The following KBTBD12 variants were observed in gnomAD, a reference collection of about 807,000 sequenced individuals.
KBTBD12 encodes the protein kelch repeat and BTB domain-containing protein 12.
KBTBD12 carries 53 observed loss-of-function variants against 58.7 expected under a neutral mutation model. That is an observed-to-expected ratio of 0.90 (90% CI 0.72 to 1.14). KBTBD12 has a LOEUF of 1.14. Ranked by LOEUF, KBTBD12 falls within the 50% of genes most tolerant of loss-of-function variation. The probability of loss-of-function intolerance (pLI) is 0.00; values close to 1 mark genes in which losing one functional copy is unlikely to be tolerated. For missense variants in KBTBD12, 704 were observed against 751.3 expected, an observed-to-expected ratio of 0.94 and a Z score of 0.74; for synonymous variants, 236 against 259.8, an observed-to-expected ratio of 0.91 and a Z score of 0.88.
chr3:127,959,682 T>C (rs1248964468), intron 4 of KBTBD12, among the ~76,000 whole-genome samples: 1 of 152,254 alleles, frequency 6.6e-6, no homozygotes, highest in Non-Finnish European at 1.5e-5. Context: ...GAAAAATTCC[T>C]GTGGCAATAC....
chr3:127,970,229 T>TGGTTC (rs1470331154), intron 5 of KBTBD12, among the ~76,000 whole-genome samples: 2 of 152,146 alleles, frequency 1.3e-5, no homozygotes, highest in African/African-American at 4.8e-5. Context: ...CATGATGAGA[T>TGGTTC]ACACTTCATA....
At chr3:127,951,659 C>CA (rs1380535682) in intron 4 of KBTBD12, among the ~76,000 whole-genome samples, 1 of 152,190 alleles carries the variant, frequency 6.6e-6, no homozygotes, top group Non-Finnish European at 1.5e-5. Context: ...TATCCCACCC[C>CA]TCCCTTTCTC....
In KBTBD12 at chr3:127,923,951, C is replaced by T. The variant is rs1262701999; in HGVS notation, c.890C>T (p.Ala297Val). 2 of 1,613,822 alleles carry T rather than the reference C, an allele frequency of 1.2e-6. No individual in the cohort carries two copies. The highest frequency in any genetic ancestry group is 8.5e-7 in the Non-Finnish European group (1 of 1,179,802). The change falls in exon 2 of 6, where the codon GCC becomes GTC. Residue 297 changes from alanine to valine, a missense_variant. Coordinates refer to ENST00000405109, the MANE Select transcript of KBTBD12 (RefSeq NM_207335.4). ...IRSRHRSYGD[A>V]SFCYDPVSRK... ...TCAAGACATAGGAGCTATGGGGATGCCAGTTTTTGTTATGATCCTGTATCA... is the reference window on the plus strand; with the variant it reads ...TCAAGACATAGGAGCTATGGGGATGTCAGTTTTTGTTATGATCCTGTATCA...
chr3:127,924,380 A>G (rs1365969209), intron 2 of KBTBD12, among the ~76,000 whole-genome samples: 4 of 148,552 alleles, frequency 2.7e-5, no homozygotes, highest in Non-Finnish European at 5.9e-5. Flanking sequence ...TATAATGTAT[A>G]TTATATAAAA....
chr3:127,923,014 C>A lies in KBTBD12; in HGVS notation c.-48C>A. The A allele has an allele frequency of 9.1e-7, 1 of 1,103,698 alleles. No homozygotes were observed. Among genetic ancestry groups the A allele is most frequent in the Non-Finnish European group, 1.3e-6 (1 of 743,714 alleles). The allele number at this position is 1,103,698 out of a possible 1,614,324, so 68.4% of individuals were successfully genotyped here. A position where few individuals can be genotyped will look rare whatever the true frequency, so the allele number is the denominator to read the frequency against. On this transcript the variant is annotated 5_prime_UTR_variant, in exon 2 of 6. The change creates a premature stop within an existing upstream ORF in the 5' untranslated region. Transcript: ENST00000405109. Reference sequence around the variant, plus strand: ...GACATGCAAATAGCCCCTCAGGAATCAAGCTACACTTAAAGAAGACTTAGT... The same window carrying A: ...GACATGCAAATAGCCCCTCAGGAATAAAGCTACACTTAAAGAAGACTTAGT...
chr3:127,977,697 AT>A (rs1463322744), intron 5 of KBTBD12, among the ~76,000 whole-genome samples: 2 of 152,054 alleles, frequency 1.3e-5, no homozygotes, highest in Non-Finnish European at 2.9e-5. Flanking sequence ...TGTTTAATTT[AT>A]TTAAGTTCCT....
intron 2 of KBTBD12, among the ~76,000 whole-genome samples, chr3:127,926,481 C>T (rs2107590698): frequency 6.6e-6 from 1 of 152,246 alleles, no homozygotes; most frequent in South Asian, 2.1e-4. Context: ...CTTTGGTTCT[C>T]TGCCTAGAAT....
At chr3:127,925,400 C>T (rs974195667) in intron 2 of KBTBD12, among the ~76,000 whole-genome samples, 2 of 152,140 alleles carry the variant, frequency 1.3e-5, no homozygotes, top group Non-Finnish European at 2.9e-5. Flanking sequence ...GTTGGGTGCC[C>T]TTCTTTCCAC....
At position 127,963,367 on chromosome 3, in the gene KBTBD12, C is replaced by T. The variant is rs754622452; in HGVS notation, c.1671C>T (p.Cys557=). The change falls in exon 5 of 6, where the codon TGC becomes TGT. Residue 557 remains cysteine, a synonymous_variant. Coordinates refer to ENST00000405109, the MANE Select transcript of KBTBD12 (RefSeq NM_207335.4). ...AGAVDGKLYV[C]GGFHGADRHE... ...CAGTGGATGGGAAACTCTATGTCTG[C>T]GGGGGATTCCATGGAGCAGGTATGG... 31 of 1,609,758 alleles carry T rather than the reference C, an allele frequency of 1.9e-5. No individual in the cohort carries two copies. The highest frequency in any genetic ancestry group is 1.8e-4 in the East Asian group (8 of 44,768).
intron 4 of KBTBD12, among the ~76,000 whole-genome samples, chr3:127,933,228 C>T (rs548351173): frequency 6.6e-6 from 1 of 152,276 alleles, no homozygotes; most frequent in South Asian, 2.1e-4. Context: ...AGACTTCAGG[C>T]AGTCTGTAGC....
chr3:127,979,509 A>G (rs1019131049), intron 5 of KBTBD12, among the ~76,000 whole-genome samples: 1 of 152,232 alleles, frequency 6.6e-6, no homozygotes, highest in African/African-American at 2.4e-5. Context: ...TGCCCAACAC[A>G]ACACAATGGT....
intron 3 of KBTBD12, 34 bp from the exon 4 acceptor site, chr3:127,930,097 GAT>G: frequency 6.5e-7 from 1 of 1,540,612 alleles, no homozygotes; most frequent in Non-Finnish European, 8.8e-7. Flanking sequence ...ATTGCTAAAT[GAT>G]ATGTTATTAT....
At chr3:127,917,422 ATGTT>A (rs1939276519) in intron 1 of KBTBD12, among the ~76,000 whole-genome samples, 1 of 152,212 alleles carries the variant, frequency 6.6e-6, no homozygotes, top group Non-Finnish European at 1.5e-5. Context: ...AACCCTCCAC[ATGTT>A]CAGCTATCCT....
chr3:127,935,262 C>T (rs1342047674), intron 4 of KBTBD12, among the ~76,000 whole-genome samples: 3 of 151,996 alleles, frequency 2.0e-5, no homozygotes, highest in Non-Finnish European at 4.4e-5. Flanking sequence ...AATTGTGATA[C>T]TATATAGTTG....
chr3:127,930,405 T>A, intron 4 of KBTBD12, 122 bp downstream of exon 4: 1 of 821,262 alleles, frequency 1.2e-6, no homozygotes, highest in South Asian at 1.7e-5. Context: ...TACAACTAGC[T>A]GAACTTTGTC....
At chr3:127,959,797 A>AT (rs1306256949) in intron 4 of KBTBD12, among the ~76,000 whole-genome samples, 1 of 152,258 alleles carries the variant, frequency 6.6e-6, no homozygotes, top group Non-Finnish European at 1.5e-5. Flanking sequence ...AATTGCTGTC[A>AT]TTATCCTTAA....
intron 5 of KBTBD12, chr3:127,963,597 A>T (rs540546773): frequency 7.9e-4 from 404 of 512,640 alleles, no homozygotes; most frequent in South Asian, 1.4e-3. Flanking sequence ...GTAAGAATTA[A>T]ATGGAATCTA....
intron 4 of KBTBD12, among the ~76,000 whole-genome samples, chr3:127,960,026 A>C (rs9811745): frequency 0.055 from 8,366 of 152,192 alleles, 275 homozygotes; most frequent in East Asian, 0.098. Flanking sequence ...AGGATTACAA[A>C]CCCCCACCTC....
At chr3:127,963,458 A>G (rs757031516) in intron 5 of KBTBD12, 72 bp downstream of exon 5, 5 of 1,342,634 alleles carry the variant, frequency 3.7e-6, no homozygotes, top group Non-Finnish European at 5.1e-6. Context: ...TGATCCAATC[A>G]CCACTAATAT....
Sources: allele counts gnomAD v4.1 joint callset (sites outside exome capture counted in the v4.1 genomes callset), GRCh38; gene constraint gnomAD v4.1.1; transcripts MANE v1.5; gene names NCBI Gene and HGNC (gene_info 2026-07-23, HGNC 2026-07-21).